The following EPHA7 variants were observed in gnomAD, a reference collection of about 807,000 sequenced individuals.
EPHA7 encodes EPH receptor A7, also known as ephrin type-A receptor 7.
A neutral mutation model predicts 112.6 loss-of-function variants in EPHA7; 25 were observed. That is an observed-to-expected ratio of 0.22 (90% CI 0.16 to 0.31). The LOEUF (loss-of-function observed/expected upper bound fraction) is 0.31, where lower values mean the gene tolerates loss of function less well. EPHA7 is among the 10% of genes least tolerant of loss of function. The pLI is 1.00. For synonymous variants in EPHA7, 437 were observed against 406.5 expected (o/e 1.07, Z -0.90); for missense variants, 962 against 1,212.6 (o/e 0.79, Z 3.07).
intron 2 of EPHA7, among the ~76,000 whole-genome samples, chr6:93,412,540 C>T (rs1364078193): frequency 6.6e-6 from 1 of 151,920 alleles, no homozygotes; most frequent in African/African-American, 2.4e-5. Context: ...AGTAAAGAAC[C>T]CATTTTAATG....
At chr6:93,401,239 C>T (rs569828952) in intron 3 of EPHA7, among the ~76,000 whole-genome samples, 4 of 152,130 alleles carry the variant, frequency 2.6e-5, no homozygotes, top group East Asian at 3.9e-4. Flanking sequence ...AATTCAAAAT[C>T]CATAAAAAAT....
At chr6:93,314,007 C>A (rs1007693580) in intron 5 of EPHA7, among the ~76,000 whole-genome samples, 28 of 152,026 alleles carry the variant, frequency 1.8e-4, no homozygotes, top group African/African-American at 6.3e-4. Flanking sequence ...TAATTTCACT[C>A]ATTTCATCTT....
At chr6:93,314,129 C>T (rs1773674258) in intron 5 of EPHA7, among the ~76,000 whole-genome samples, 1 of 151,452 alleles carries the variant, frequency 6.6e-6, no homozygotes, top group African/African-American at 2.4e-5. Flanking sequence ...TTTCAATTGC[C>T]TTGTTTTTAT....
At chr6:93,381,049 T>C (rs996480880) in intron 3 of EPHA7, among the ~76,000 whole-genome samples, 4 of 152,180 alleles carry the variant, frequency 2.6e-5, no homozygotes, top group Non-Finnish European at 5.9e-5. Flanking sequence ...TATTTTCAGA[T>C]ATATCTTCTA....
rs77120467 is a variant in EPHA7 at position 93,330,608 on chromosome 6, C to T, written c.1324+26109G>A. The stretch of plus-strand genomic sequence containing the variant: ...GGCTCAACAACATTGCTACAAATAA[C>T]CAGATTTCTTTCTTTTTTATGGCTG... On this transcript the variant is annotated intron_variant, in intron 5 of 16. Transcript: ENST00000369303. Among the ~76,000 whole-genome samples, 752 of 151,328 alleles carry T rather than the reference C, an allele frequency of 5.0e-3. 12 individuals are homozygous for T. Among genetic ancestry groups the T allele is most frequent in the African/African-American group, 0.017 (725 of 41,434 alleles).
intron 5 of EPHA7, among the ~76,000 whole-genome samples, chr6:93,316,129 T>A (rs1046888134): frequency 1.3e-5 from 2 of 152,142 alleles, no homozygotes; most frequent in Admixed American, 1.3e-4. Flanking sequence ...GCTGTAGTTA[T>A]AATAATAACA....
intron 4 of EPHA7, among the ~76,000 whole-genome samples, chr6:93,357,350 T>G (rs1184881040): frequency 6.6e-6 from 1 of 152,192 alleles, no homozygotes; most frequent in African/African-American, 2.4e-5. Context: ...ACTATTTTTC[T>G]TCCAAGCAAT....
intron 5 of EPHA7, among the ~76,000 whole-genome samples, chr6:93,339,361 T>A (rs954199122): frequency 6.6e-6 from 1 of 151,824 alleles, no homozygotes; most frequent in African/African-American, 2.4e-5. Flanking sequence ...TAATCTTGTA[T>A]AATAATCAGC....
chr6:93,351,132 G>C (rs186509587), intron 5 of EPHA7, among the ~76,000 whole-genome samples: 1 of 152,144 alleles, frequency 6.6e-6, no homozygotes, highest in East Asian at 1.9e-4. Context: ...GCCTCATTTA[G>C]AATTTCCTTT....
intron 9 of EPHA7, among the ~76,000 whole-genome samples, chr6:93,261,034 G>T (rs573468380): frequency 6.6e-6 from 1 of 151,526 alleles, no homozygotes; most frequent in South Asian, 2.1e-4. Context: ...CATCTCAAAC[G>T]GTCTCTGATG....
chr6:93,418,283 C>T (rs577193115), intron 1 of EPHA7, among the ~76,000 whole-genome samples: 1 of 152,258 alleles, frequency 6.6e-6, no homozygotes, highest in East Asian at 1.9e-4. Context: ...ATTTTACCTT[C>T]TGTCAAAGGT....
At chr6:93,248,831 T>C (rs1413213915) in intron 14 of EPHA7, among the ~76,000 whole-genome samples, 1 of 152,160 alleles carries the variant, frequency 6.6e-6, no homozygotes, top group Non-Finnish European at 1.5e-5. Context: ...CATCCTCTTA[T>C]ATACACAATT....
chr6:93,325,495 T>C (rs1017590491), intron 5 of EPHA7, among the ~76,000 whole-genome samples: 1 of 151,338 alleles, frequency 6.6e-6, no homozygotes, highest in Non-Finnish European at 1.5e-5. Context: ...TTGTTTAAAA[T>C]AGTAAAATTT....
At chr6:93,374,278 C>T (rs1776944035) in intron 3 of EPHA7, among the ~76,000 whole-genome samples, 1 of 152,080 alleles carries the variant, frequency 6.6e-6, no homozygotes, top group Non-Finnish European at 1.5e-5. Context: ...CATCTGTCTT[C>T]CCACTCCTCT....
rs1452936466 is a variant in EPHA7 at position 93,410,125 on chromosome 6, T to C, written c.832+376A>G. On this transcript the variant is annotated intron_variant, in intron 3 of 16. Coordinates refer to ENST00000369303, the MANE Select transcript of EPHA7 (RefSeq NM_004440.4). The surrounding 1 kb of genome is among the most constrained non-coding windows in gnomAD (Gnocchi z 4.0). Reference sequence around the variant, plus strand: ...TACTCAAGGGCCCAGACAATATGGGTTTAAAAACAGGAGGAATGGCATCTC... The same window carrying C: ...TACTCAAGGGCCCAGACAATATGGGCTTAAAAACAGGAGGAATGGCATCTC... 1 of 183,018 alleles carries C rather than the reference T, an allele frequency of 5.5e-6. No homozygotes were observed. Among genetic ancestry groups the C allele is most frequent in the African/African-American group, 2.4e-5 (1 of 42,442 alleles). 11.3% of individuals were successfully genotyped at this position (183,018 alleles called of 1,614,324 possible).
intron 7 of EPHA7, among the ~76,000 whole-genome samples, chr6:93,267,996 T>A (rs1378875316): frequency 1.3e-5 from 2 of 151,716 alleles, no homozygotes; most frequent in African/African-American, 4.8e-5. Context: ...ATGATATAGA[T>A]CTGAGTTGAA....
At chr6:93,313,768 C>A (rs1773655836) in intron 5 of EPHA7, among the ~76,000 whole-genome samples, 1 of 151,736 alleles carries the variant, frequency 6.6e-6, no homozygotes, top group Non-Finnish European at 1.5e-5. Flanking sequence ...AAGACTCAAG[C>A]AGAAGTTTCT....
intron 3 of EPHA7, among the ~76,000 whole-genome samples, chr6:93,383,756 A>C (rs1000972573): frequency 6.6e-6 from 1 of 152,132 alleles, no homozygotes; most frequent in Non-Finnish European, 1.5e-5. Context: ...TTACTGCAGT[A>C]GTACCATCAT....
intron 6 of EPHA7, among the ~76,000 whole-genome samples, chr6:93,269,962 G>A (rs950685003): frequency 6.6e-6 from 1 of 151,578 alleles, no homozygotes; most frequent in African/African-American, 2.4e-5. Context: ...ATATCCTATT[G>A]GTCAAACAGT....
Sources: gnomAD v4.1 joint callset for allele counts (sites outside exome capture counted in the v4.1 genomes callset) on GRCh38, gnomAD v4.1.1 for gene constraint, Gnocchi (gnomAD v3.1) non-coding constraint, MANE v1.5 for transcripts, NCBI Gene and HGNC (gene_info 2026-07-23, HGNC 2026-07-21) for gene names.